EPM2A: variants seen among roughly 807,000 people sequenced by gnomAD.
EPM2A encodes laforin.
A neutral mutation model predicts 26.5 loss-of-function variants in EPM2A; 21 were observed. That is an observed-to-expected ratio of 0.79 (90% CI 0.56 to 1.14). The LOEUF is 1.14. Ranked by LOEUF, EPM2A falls within the 50% of genes most tolerant of loss-of-function variation. The pLI is 0.00. For missense variants in EPM2A, 458 were observed against 440.8 expected, an observed-to-expected ratio of 1.04 and a Z score of -0.35; for synonymous variants, 217 against 177.6, an observed-to-expected ratio of 1.22 and a Z score of -1.76.
chr6:145,473,946 T>C (rs931427893), intron 4 of EPM2A, among the ~76,000 whole-genome samples: 4 of 152,038 alleles, frequency 2.6e-5, no homozygotes, highest in African/African-American at 9.7e-5. Context: ...AAAAGGACAT[T>C]AATGGGCAAT....
Position 145,551,263 on chromosome 6 carries a change from T to G in EPM2A, c.341-48688A>C, listed in dbSNP as rs113494130. ...AAAAGTTAAAAACAACAACAACAAA[T>G]AAGCAATCCAAACATCTTAAAAATT... On this transcript the variant is annotated intron_variant, in intron 2 of 3. Transcript: ENST00000450221. Among the ~76,000 whole-genome samples the G allele has an allele frequency of 9.5e-3, 1,440 of 151,974 alleles. 23 individuals are homozygous for G. Among genetic ancestry groups the G allele is most frequent in the African/African-American group, 0.032 (1,314 of 41,448 alleles).
chr6:145,458,157 T>C (rs558966298), intron 4 of EPM2A, among the ~76,000 whole-genome samples: 1 of 152,348 alleles, frequency 6.6e-6, no homozygotes, highest in South Asian at 2.1e-4. Context: ...TACTTAAGTA[T>C]ATGTCCCTGT....
chr6:145,711,603 T>C (rs1775330754), intron 1 of EPM2A, among the ~76,000 whole-genome samples: 1 of 152,048 alleles, frequency 6.6e-6, no homozygotes, highest in Non-Finnish European at 1.5e-5. Flanking sequence ...AGATAAGAAA[T>C]GATGTCATGA....
chr6:145,725,036 A>G (rs986403979), intron 1 of EPM2A, among the ~76,000 whole-genome samples: 10 of 152,096 alleles, frequency 6.6e-5, no homozygotes, highest in Non-Finnish European at 1.5e-4. Context: ...ACAATAAAAA[A>G]TAAGTCACAC....
Position 145,734,680 on chromosome 6 carries a change from G to A in EPM2A, c.301+518C>T, listed in dbSNP as rs1253174389. On this transcript the variant is annotated intron_variant, in intron 1 of 3. Transcript: ENST00000367519. ...CTAGTTTCGTTGGTTGGATCGTTTT[G>A]GGTTTTTTTTAGTGAATTAGAGCAG... 3.3e-5 allele frequency: 5 copies of A among 152,298 alleles called. No individual in the cohort carries two copies. In the East Asian group the frequency reaches 9.7e-4, roughly 29 times the overall value. The allele number at this position is 152,298 out of a possible 1,614,324, so 9.4% of individuals were successfully genotyped here.
intron 2 of EPM2A, among the ~76,000 whole-genome samples, chr6:145,669,175 C>T (rs1054270981): frequency 1.3e-5 from 2 of 152,050 alleles, no homozygotes; most frequent in African/African-American, 4.8e-5. Context: ...AAAAGGAAGA[C>T]AGGAAAGGCA....
At chr6:145,583,981 G>A (rs1040724879) in intron 2 of EPM2A, among the ~76,000 whole-genome samples, 5 of 152,228 alleles carry the variant, frequency 3.3e-5, no homozygotes, top group African/African-American at 1.2e-4. Flanking sequence ...TGTGCCAGCA[G>A]AGGCAGCAAC....
rs1248990082 is a variant in EPM2A at position 145,568,890 on chromosome 6, T to C, written c.341-66315A>G. ...CAATAAGACGCCTTGGATGGAATAA[T>C]TGCTTCCCTGTAGGGTGTTCAAGCC... On this transcript the variant is annotated intron_variant, in intron 2 of 3. Coordinates refer to the EPM2A transcript ENST00000450221. Among the ~76,000 whole-genome samples, 3 of 152,156 alleles carry C rather than the reference T, an allele frequency of 2.0e-5. No individual in the cohort carries two copies. In the East Asian group the frequency reaches 5.8e-4, roughly 29 times the overall value.
At chr6:145,557,154 A>G (rs1420373551) in intron 2 of EPM2A, among the ~76,000 whole-genome samples, 1 of 152,144 alleles carries the variant, frequency 6.6e-6, no homozygotes, top group Non-Finnish European at 1.5e-5. Flanking sequence ...CAGTATTTCA[A>G]TTCATAAATT....
intron 2 of EPM2A, among the ~76,000 whole-genome samples, chr6:145,540,780 T>C (rs1398388287): frequency 2.6e-5 from 4 of 151,934 alleles, no homozygotes; most frequent in Non-Finnish European, 5.9e-5. Flanking sequence ...AAATTCAGAG[T>C]CCTAAAATCA....
At chr6:145,488,495 T>TTGTGTGTGTGTGTG (rs146792300) in intron 4 of EPM2A, among the ~76,000 whole-genome samples, 8 of 132,030 alleles carry the variant, frequency 6.1e-5, no homozygotes, top group African/African-American at 2.3e-4. Context: ...ATTTGTGTGG[T>TTGTGTGTGTGTGTG]TGTGTGTGTG....
rs560242927 is a variant in EPM2A, at chr6:145,661,926, T to TA, written c.476+24195dup. Among the ~76,000 whole-genome samples, 50 of 151,856 alleles carry TA rather than the reference T, an allele frequency of 3.3e-4. 1 individual carries two copies. The East Asian group carries it at 5.4e-3, about 16-fold the overall frequency. ...TTGCTTTCTTTGGAAAGATCTGAAGTAAAAAAAACTCATCATTATGGCTAT... is the reference window on the plus strand; with the variant it reads ...TTGCTTTCTTTGGAAAGATCTGAAGTAAAAAAAAACTCATCATTATGGCTAT... On this transcript the variant is annotated intron_variant, in intron 2 of 3. Coordinates refer to ENST00000367519, the MANE Select transcript of EPM2A (RefSeq NM_005670.4).
intron 4 of EPM2A, among the ~76,000 whole-genome samples, chr6:145,384,296 C>T (rs1474813099): frequency 1.3e-5 from 2 of 152,116 alleles, no homozygotes; most frequent in Non-Finnish European, 2.9e-5. Context: ...TTAACAATAT[C>T]AACAAAGGGA....
At chr6:145,696,746 T>A (rs1781592627) in intron 1 of EPM2A, among the ~76,000 whole-genome samples, 1 of 150,698 alleles carries the variant, frequency 6.6e-6, no homozygotes, top group South Asian at 2.1e-4. Flanking sequence ...ATCCTAGTAA[T>A]GAATCAAACA....
intron 4 of EPM2A, among the ~76,000 whole-genome samples, chr6:145,408,345 T>C (rs572031791): frequency 6.6e-6 from 1 of 152,284 alleles, no homozygotes; most frequent in East Asian, 1.9e-4. Flanking sequence ...TCAGCCATTA[T>C]GGGCCATGTG....
intron 2 of EPM2A, among the ~76,000 whole-genome samples, chr6:145,613,827 A>C (rs1775448893): frequency 6.6e-6 from 1 of 152,224 alleles, no homozygotes; most frequent in Admixed American, 6.5e-5. Flanking sequence ...TTTATAGAGC[A>C]CAGGCAGATA....
At chr6:145,403,432 C>T (rs1287437577) in intron 4 of EPM2A, among the ~76,000 whole-genome samples, 1 of 150,382 alleles carries the variant, frequency 6.6e-6, no homozygotes, top group African/African-American at 2.5e-5. Context: ...ACTACCCTTC[C>T]AAGCCTCTGG....
chr6:145,510,464 A>G (rs1297149393), intron 2 of EPM2A, among the ~76,000 whole-genome samples: 1 of 152,186 alleles, frequency 6.6e-6, no homozygotes, highest in Non-Finnish European at 1.5e-5. Flanking sequence ...AAATACATGG[A>G]AAATAAACCA....
intron 1 of EPM2A, among the ~76,000 whole-genome samples, chr6:145,697,119 C>A (rs189332908): frequency 1.3e-5 from 2 of 152,122 alleles, no homozygotes; most frequent in Non-Finnish European, 2.9e-5. Context: ...CGATATTTCA[C>A]GTAGGTTCTT....
Sources: allele counts gnomAD v4.1 joint callset (sites outside exome capture counted in the v4.1 genomes callset), GRCh38; gene constraint gnomAD v4.1.1; transcripts MANE v1.5; gene names NCBI Gene and HGNC (gene_info 2026-07-23, HGNC 2026-07-21).